ECHDC1: variants seen among roughly 807,000 people sequenced by gnomAD.
ECHDC1 encodes ethylmalonyl-CoA decarboxylase.
ECHDC1 carries 29 observed loss-of-function variants against 29.7 expected under a neutral mutation model. The ratio of observed to expected loss-of-function variants is 0.98; its 90% CI spans 0.73 to 1.33. The LOEUF is 1.33. Ranked by LOEUF, ECHDC1 falls within the 40% of genes most tolerant of loss-of-function variation. The pLI, the probability that ECHDC1 is intolerant of heterozygous loss-of-function variation, is 0.00. For synonymous variants in ECHDC1, 126 were observed against 123.1 expected (o/e 1.02, Z -0.15); for missense variants, 328 against 350.0 (o/e 0.94, Z 0.50).
chr6:127,303,643 C>A (rs968927990), intron 5 of ECHDC1, among the ~76,000 whole-genome samples: 5 of 152,122 alleles, frequency 3.3e-5, no homozygotes, highest in African/African-American at 1.2e-4. Context: ...CAAACTGAAG[C>A]AGTAAGGGGT....
chr6:127,313,010 T>C (rs888351440), intron 5 of ECHDC1: 2 of 152,120 alleles, frequency 1.3e-5, no homozygotes, highest in Non-Finnish European at 2.9e-5. Flanking sequence ...GTGATCAGTG[T>C]TTACCTTGAA....
intron 3 of ECHDC1, among the ~76,000 whole-genome samples, chr6:127,319,393 C>A (rs1185787715): frequency 6.6e-6 from 1 of 152,106 alleles, no homozygotes; most frequent in Non-Finnish European, 1.5e-5. Flanking sequence ...GTCTGACATA[C>A]AGTAAGAGAA....
chr6:127,289,700 T>C lies in ECHDC1; in HGVS notation c.*169A>G, dbSNP rs1029323858. The C allele has an allele frequency of 1.3e-5, 9 of 690,906 alleles. No homozygotes were observed. Among genetic ancestry groups the C allele is most frequent in the Non-Finnish European group, 1.8e-5 (8 of 442,086 alleles). 42.8% of individuals were successfully genotyped at this position (690,906 alleles called of 1,614,324 possible). A position where few individuals can be genotyped will look rare whatever the true frequency, so the allele number is the denominator to read the frequency against. ...ACGCAGTAAATACCCAAGTGAGTAA[T>C]TGGCAAGAAATGAGGTAAATGAGTT... On this transcript the variant is annotated 3_prime_UTR_variant, in exon 6 of 6. Coordinates refer to ENST00000454859, the MANE Select transcript of ECHDC1 (RefSeq NM_001002030.2).
At chr6:127,328,016 C>CA (rs1322512809) in intron 2 of ECHDC1, among the ~76,000 whole-genome samples, 2 of 152,162 alleles carry the variant, frequency 1.3e-5, no homozygotes, top group Admixed American at 1.3e-4. Flanking sequence ...TTAAAACTGG[C>CA]AAAAAATTTG....
intron 3 of ECHDC1, among the ~76,000 whole-genome samples, chr6:127,322,916 A>G (rs1782958720): frequency 6.6e-6 from 1 of 152,222 alleles, no homozygotes; most frequent in Admixed American, 6.5e-5. Flanking sequence ...CAACCATTTG[A>G]GAGATGAAAA....
chr6:127,328,907 G>T (rs1457809371), intron 2 of ECHDC1, among the ~76,000 whole-genome samples: 2 of 152,124 alleles, frequency 1.3e-5, no homozygotes, highest in East Asian at 1.9e-4. Flanking sequence ...GGCGCCTGTA[G>T]TCCCAGCTAG....
chr6:127,309,480 A>AAC (rs58621326), intron 5 of ECHDC1, among the ~76,000 whole-genome samples: 91 of 138,326 alleles, frequency 6.6e-4, no homozygotes, highest in Non-Finnish European at 8.3e-4. Flanking sequence ...CAAACAACAA[A>AAC]ACACACACAC....
At chr6:127,330,786 A>G in intron 2 of ECHDC1, 23 bp downstream of exon 2, 1 of 1,587,712 alleles carries the variant, frequency 6.3e-7, no homozygotes, top group South Asian at 1.1e-5. Flanking sequence ...GTCATTCTTT[A>G]GGAATAAAAA....
chr6:127,314,926 T>C, intron 4 of ECHDC1, 30 bp from the exon 5 acceptor site: 3 of 1,572,098 alleles, frequency 1.9e-6, no homozygotes, highest in Non-Finnish European at 2.6e-6. Context: ...CTGATGTTAC[T>C]ATTTTTAATT....
rs1057101323 is a variant in ECHDC1 at position 127,343,603 on chromosome 6, G to C, written c.-270C>G. 3.3e-5 allele frequency: 5 copies of C among 152,032 alleles called. No individual in the cohort carries two copies. Among genetic ancestry groups the C allele is most frequent in the African/African-American group, 1.2e-4 (5 of 41,374 alleles). 9.4% of individuals were successfully genotyped at this position (152,032 alleles called of 1,614,324 possible). A position where few individuals can be genotyped will look rare whatever the true frequency, so the allele number is the denominator to read the frequency against. On this transcript the variant is annotated 5_prime_UTR_variant, in exon 1 of 6. Transcript: ENST00000454859. ...GGCGCCCTCCGCTTCGCGCTCCCTC[G>C]TGTCACGAGGGAGCCAGGGTGGGCG...
At chr6:127,315,706 AGGGT>A (rs1782307423) in intron 4 of ECHDC1, 1 of 304,180 alleles carries the variant, frequency 3.3e-6, no homozygotes, top group South Asian at 2.9e-5. Flanking sequence ...GGAGGTGAAT[AGGGT>A]TTAAACAATG....
intron 5 of ECHDC1, among the ~76,000 whole-genome samples, chr6:127,311,513 A>G (rs796545289): frequency 8.3e-4 from 126 of 151,714 alleles, no homozygotes; most frequent in African/African-American, 2.9e-3. Context: ...CATCTCTACT[A>G]AAAGTACAAA....
At chr6:127,299,761 T>G (rs1248785995) in intron 5 of ECHDC1, among the ~76,000 whole-genome samples, 1 of 152,176 alleles carries the variant, frequency 6.6e-6, no homozygotes, top group East Asian at 1.9e-4. Flanking sequence ...GCCTTCACAT[T>G]CACTTGCCAC....
At chr6:127,298,950 A>T (rs904018933) in intron 5 of ECHDC1, among the ~76,000 whole-genome samples, 1 of 151,664 alleles carries the variant, frequency 6.6e-6, no homozygotes, top group African/African-American at 2.4e-5. Flanking sequence ...ATAATGGCTC[A>T]ATGCAGCCTT....
chr6:127,315,046 C>A, intron 4 of ECHDC1, 150 bp from the exon 5 acceptor site: 1 of 749,996 alleles, frequency 1.3e-6, no homozygotes, highest in South Asian at 1.5e-5. Flanking sequence ...ATAGCAGAAG[C>A]TTGAACCTTT....
Position 127,321,013 on chromosome 6 carries a change from G to T in ECHDC1, c.364-4511C>A, listed in dbSNP as rs533669581. Among the ~76,000 whole-genome samples the T allele has an allele frequency of 3.4e-3, 522 of 152,070 alleles. 3 individuals carry two copies. The highest frequency in any genetic ancestry group is 6.0e-3 in the Non-Finnish European group (406 of 68,004). On this transcript the variant is annotated intron_variant, in intron 3 of 5. Transcript: ENST00000454859. The stretch of plus-strand genomic sequence containing the variant: ...TAGTCTCTGCTTTTACCTGTATTTT[G>T]TAGTTTACATTAATAAAAAGCTTTT...
intron 2 of ECHDC1, 31 bp downstream of exon 2, chr6:127,330,778 C>A: frequency 6.3e-7 from 1 of 1,577,792 alleles, no homozygotes; most frequent in South Asian, 1.1e-5. Flanking sequence ...GATTTAGTGT[C>A]ATTCTTTAGG....
intron 1 of ECHDC1, among the ~76,000 whole-genome samples, chr6:127,336,434 T>C (rs1417523308): frequency 6.6e-6 from 1 of 152,176 alleles, no homozygotes; most frequent in African/African-American, 2.4e-5. Context: ...TATAGCTCCA[T>C]TACCCAAAAC....
At position 127,330,944 on chromosome 6, in the gene ECHDC1, A is replaced by T; in HGVS notation, c.85T>A (p.Ser29Thr). 1 of 1,614,108 alleles carries T rather than the reference A, an allele frequency of 6.2e-7. No individual in the cohort carries two copies. The highest frequency in any genetic ancestry group is 8.5e-7 in the Non-Finnish European group (1 of 1,180,010). The change falls in exon 2 of 6, where the codon TCC becomes ACC. Residue 29 changes from serine (S) to threonine (T), a missense_variant. Ser to Thr is a moderately conservative substitution (Grantham distance 58). Transcript: ENST00000454859. ...ACTTCTTCCTCATAAAATCCATGGGATGTACTATAAAGTGACAATCCTGTT... is the reference window on the plus strand; with the variant it reads ...ACTTCTTCCTCATAAAATCCATGGGTTGTACTATAAAGTGACAATCCTGTT... ...HQTGLSLYSTSHGFYEEEVKK... is the reference protein window; with the variant it reads ...HQTGLSLYSTTHGFYEEEVKK...
Sources: gnomAD v4.1 joint callset for allele counts (sites outside exome capture counted in the v4.1 genomes callset) on GRCh38, gnomAD v4.1.1 for gene constraint, MANE v1.5 for transcripts, NCBI Gene and HGNC (gene_info 2026-07-23, HGNC 2026-07-21) for gene names.